The following NEO1 variants were observed in gnomAD, a reference collection of about 807,000 sequenced individuals.
NEO1 encodes the protein neogenin 1.
NEO1 carries 63 observed loss-of-function variants against 159.7 expected under a neutral mutation model. The ratio of observed to expected loss-of-function variants is 0.39; its 90% CI spans 0.32 to 0.49. The LOEUF is 0.49. NEO1 is among the 20% of genes least tolerant of loss of function. The pLI, the probability that NEO1 is intolerant of heterozygous loss-of-function variation, is 0.85. For missense variants in NEO1, 1,615 were observed against 1,831.0 expected, an observed-to-expected ratio of 0.88 and a Z score of 2.15; for synonymous variants, 633 against 662.0, an observed-to-expected ratio of 0.96 and a Z score of 0.67.
Position 73,116,715 on chromosome 15 carries a change from G to A in NEO1, c.306G>A (p.Gln102=). ...FLNLVSDDRR[Q]LLPDGSLFIS... is the part of the protein sequence containing the mutation. ...ACTTAGTATCAGATGATCGACGCCA[G>A]CTTCTCCCGGATGGATCTTTATTTA... Residue 102 remains glutamine, a synonymous_variant, in exon 2 of 29, where the codon CAG becomes CAA. Coordinates refer to ENST00000261908, the MANE Select transcript of NEO1 (RefSeq NM_002499.4). The A allele has an allele frequency of 6.2e-7, 1 of 1,613,934 alleles. No individual in the cohort carries two copies.
chr15:73,082,873 G>T (rs970040405), intron 1 of NEO1, among the ~76,000 whole-genome samples: 1 of 152,170 alleles, frequency 6.6e-6, no homozygotes, highest in East Asian at 1.9e-4. Flanking sequence ...CCTGGCTAGT[G>T]TATCAGAGAA....
intron 7 of NEO1, among the ~76,000 whole-genome samples, chr15:73,183,871 T>C (rs1382389411): frequency 6.6e-6 from 1 of 152,158 alleles, no homozygotes; most frequent in Non-Finnish European, 1.5e-5. Context: ...TAAAATCCAT[T>C]CCAAGCTCAA....
chr15:73,194,695 G>T (rs1042178654), intron 7 of NEO1, among the ~76,000 whole-genome samples: 6 of 152,116 alleles, frequency 3.9e-5, no homozygotes, highest in Non-Finnish European at 7.3e-5. Context: ...GGTTTGGAGG[G>T]GACAAACATC....
Position 73,301,355 on chromosome 15 carries a change from C to T in NEO1, c.4200C>T (p.Ala1400=). The change falls in exon 28 of 29, where the codon GCC becomes GCT. Residue 1400 remains alanine, a synonymous_variant. Transcript: ENST00000261908. ...LNHHIHSVKT[A]SIGTLGRSRP... ...ATCACATTCACTCAGTGAAGACAGCCTCCATCGGGACTCTAGGAAGGAGCC... is the reference window on the plus strand; with the variant it reads ...ATCACATTCACTCAGTGAAGACAGCTTCCATCGGGACTCTAGGAAGGAGCC... The T allele has an allele frequency of 6.2e-7, 1 of 1,614,200 alleles. No individual in the cohort carries two copies. Among genetic ancestry groups the T allele is most frequent in the Non-Finnish European group, 8.5e-7 (1 of 1,180,038 alleles).
chr15:73,197,073 AAG>A (rs2036569984), intron 7 of NEO1, among the ~76,000 whole-genome samples: 1 of 152,100 alleles, frequency 6.6e-6, no homozygotes, highest in African/African-American at 2.4e-5. Context: ...ATATGTTTCT[AAG>A]AGGCCAGGCA....
rs2067502653 is a variant in NEO1, at chr15:73,052,571, G to C, written c.-105G>C. On this transcript the variant is annotated 5_prime_UTR_variant, in exon 1 of 29. Coordinates refer to ENST00000261908, the MANE Select transcript of NEO1 (RefSeq NM_002499.4). ...GCTGGGCTGGAGCAGCGGCGGCCGC[G>C]GGAGCCGAGCTTGCAGCGAGGGACC... 1 of 670,612 alleles carries C rather than the reference G, an allele frequency of 1.5e-6. No individual in the cohort carries two copies. The highest frequency in any genetic ancestry group is 2.0e-6 in the Non-Finnish European group (1 of 504,722). The allele number at this position is 670,612 out of a possible 1,614,324, so 41.5% of individuals were successfully genotyped here. A position where few individuals can be genotyped will look rare whatever the true frequency, so the allele number is the denominator to read the frequency against.
intron 7 of NEO1, among the ~76,000 whole-genome samples, chr15:73,208,688 G>A (rs898384693): frequency 6.6e-6 from 1 of 152,004 alleles, no homozygotes; most frequent in South Asian, 2.1e-4. Flanking sequence ...ATGGTGAAAT[G>A]CCGTCTCTAC....
intron 15 of NEO1, among the ~76,000 whole-genome samples, chr15:73,260,963 T>C (rs1006292163): frequency 2.6e-5 from 4 of 152,184 alleles, no homozygotes; most frequent in Non-Finnish European, 5.9e-5. Context: ...TAACAGTTAT[T>C]AGAATGGTGT....
intron 9 of NEO1, 95 bp downstream of exon 9, chr15:73,244,593 A>G (rs2039658060): frequency 7.4e-7 from 1 of 1,342,676 alleles, no homozygotes; most frequent in Non-Finnish European, 1.0e-6. Flanking sequence ...GGAGCAGAAG[A>G]TAACAGTTCC....
chr15:73,145,532 G>A (rs915527193), intron 5 of NEO1, among the ~76,000 whole-genome samples: 1 of 152,136 alleles, frequency 6.6e-6, no homozygotes, highest in Non-Finnish European at 1.5e-5. Flanking sequence ...CCACTTAAAT[G>A]CCCAAAAATA....
At chr15:73,278,227 C>T in intron 22 of NEO1, 28 bp downstream of exon 22, 1 of 1,602,972 alleles carries the variant, frequency 6.2e-7, no homozygotes, top group East Asian at 2.2e-5. Flanking sequence ...GCGTTTTTTG[C>T]TTACTATGGA....
intron 7 of NEO1, among the ~76,000 whole-genome samples, chr15:73,197,520 A>G (rs2036593886): frequency 6.6e-6 from 1 of 152,130 alleles, no homozygotes; most frequent in African/African-American, 2.4e-5. Context: ...CTAAGGTACC[A>G]TGCATTATGA....
intron 10 of NEO1, 100 bp downstream of exon 10, chr15:73,249,308 A>C: frequency 7.7e-7 from 1 of 1,303,318 alleles, no homozygotes; most frequent in Non-Finnish European, 1.1e-6. Flanking sequence ...GTGAGGGGGA[A>C]AAAGAAACAT....
chr15:73,227,606 G>C (rs143320773), intron 7 of NEO1, among the ~76,000 whole-genome samples: 232 of 152,318 alleles, frequency 1.5e-3, no homozygotes, highest in African/African-American at 5.2e-3. Flanking sequence ...AGGTTTCAGC[G>C]ACTGGGCCAG....
At chr15:73,286,002 C>T (rs141001580) in intron 23 of NEO1, among the ~76,000 whole-genome samples, 58 of 152,128 alleles carry the variant, frequency 3.8e-4, no homozygotes, top group Middle Eastern at 6.8e-3. Context: ...CGTTATTGGC[C>T]GCCTCTTCAG....
chr15:73,199,602 CTT>C (rs1201138004), intron 7 of NEO1, among the ~76,000 whole-genome samples: 3 of 152,082 alleles, frequency 2.0e-5, no homozygotes, highest in Non-Finnish European at 2.9e-5. Context: ...CTGGTAATGT[CTT>C]TGTCTGGTTT....
intron 25 of NEO1, among the ~76,000 whole-genome samples, chr15:73,291,049 T>G (rs1308676260): frequency 6.6e-6 from 1 of 152,212 alleles, no homozygotes; most frequent in East Asian, 1.9e-4. Context: ...CTTGTGGTCC[T>G]TGATGGAAAG....
intron 6 of NEO1, among the ~76,000 whole-genome samples, chr15:73,177,449 A>C (rs1269772361): frequency 6.6e-6 from 1 of 152,230 alleles, no homozygotes; most frequent in Non-Finnish European, 1.5e-5. Flanking sequence ...TTTAACATTA[A>C]AAAGCAATCT....
chr15:73,247,327 C>CTGAAA (rs893086851), intron 9 of NEO1, among the ~76,000 whole-genome samples: 1 of 152,132 alleles, frequency 6.6e-6, no homozygotes, highest in African/African-American at 2.4e-5. Context: ...CACTGTACAG[C>CTGAAA]TGAAATGAAA....
Sources: allele counts gnomAD v4.1 joint callset (sites outside exome capture counted in the v4.1 genomes callset), GRCh38; gene constraint gnomAD v4.1.1; transcripts MANE v1.5; gene names NCBI Gene and HGNC (gene_info 2026-07-23, HGNC 2026-07-21).